Variants in NKAIN3 observed in about 807,000 individuals in gnomAD.
NKAIN3 encodes sodium/potassium-transporting ATPase subunit beta-1-interacting protein 3.
In NKAIN3, 25 loss-of-function variants were observed where a neutral mutation model predicts 30.2. The observed-to-expected ratio is 0.83, with a 90% CI of 0.60 to 1.16. The LOEUF (loss-of-function observed/expected upper bound fraction) is 1.16, where lower values mean the gene tolerates loss of function less well. Ranked by LOEUF, NKAIN3 falls within the 50% of genes most tolerant of loss-of-function variation. The probability of loss-of-function intolerance (pLI) is 0.00; values close to 1 mark genes in which losing one functional copy is unlikely to be tolerated. For synonymous variants in NKAIN3, 91 were observed against 89.6 expected, an observed-to-expected ratio of 1.02 and a Z score of -0.09; for missense variants, 225 against 254.1, an observed-to-expected ratio of 0.89 and a Z score of 0.78.
intron 1 of NKAIN3, among the ~76,000 whole-genome samples, chr8:62,341,290 T>A (rs1815737121): frequency 6.6e-6 from 1 of 152,100 alleles, no homozygotes; most frequent in African/African-American, 2.4e-5. Flanking sequence ...ACATTTATGA[T>A]GTTAATTTTA....
Position 62,835,140 on chromosome 8 carries a change from T to G in NKAIN3, c.472-83313T>G, listed in dbSNP as rs371550975. ...CTAGCCACATTCAGAAGAATAAATT[T>G]GAATACCTACCTTTCACATATACAA... On this transcript the variant is annotated intron_variant, in intron 4 of 6. Transcript: ENST00000623646. 1.1e-3 allele frequency among the ~76,000 whole-genome samples: 162 copies of G among 151,946 alleles called. 6 individuals carry two copies. In the South Asian group the frequency reaches 0.033, roughly 31 times the overall value.
At chr8:62,612,307 G>T (rs143057513) in intron 3 of NKAIN3, among the ~76,000 whole-genome samples, 3 of 151,712 alleles carry the variant, frequency 2.0e-5, no homozygotes, top group African/African-American at 7.3e-5. Flanking sequence ...CATTGGGTGC[G>T]TATATATTTA....
chr8:62,597,377 T>A (rs1810866038), intron 3 of NKAIN3, among the ~76,000 whole-genome samples: 1 of 152,096 alleles, frequency 6.6e-6, no homozygotes, highest in Non-Finnish European at 1.5e-5. Context: ...TCGCTTTTCA[T>A]GGTGAAAAGA....
At chr8:62,280,065 A>C (rs929447771) in intron 1 of NKAIN3, among the ~76,000 whole-genome samples, 1 of 152,116 alleles carries the variant, frequency 6.6e-6, no homozygotes, top group African/African-American at 2.4e-5. Context: ...AGTGGTTTGT[A>C]GTTCCCCTTG....
At chr8:62,618,077 T>C (rs1312768944) in intron 3 of NKAIN3, among the ~76,000 whole-genome samples, 1 of 152,220 alleles carries the variant, frequency 6.6e-6, no homozygotes, top group African/African-American at 2.4e-5. Context: ...ATCTAAAATG[T>C]TGGCCATTCC....
At chr8:62,746,690 A>G (rs1294051509) in intron 3 of NKAIN3, among the ~76,000 whole-genome samples, 1 of 152,208 alleles carries the variant, frequency 6.6e-6, no homozygotes, top group Non-Finnish European at 1.5e-5. Context: ...TTTTTTAAAT[A>G]TATGTTGCCC....
chr8:62,627,940 T>C (rs111683666), intron 3 of NKAIN3, among the ~76,000 whole-genome samples: 2 of 152,088 alleles, frequency 1.3e-5, no homozygotes, highest in Non-Finnish European at 2.9e-5. Flanking sequence ...AAGGCTGTGA[T>C]CAAGATTAAA....
rs372677127 is a variant in NKAIN3 at position 62,703,779 on chromosome 8, AT to A, written c.274-43150del. ...ATTTAAGCTACACACTTGATCTATT[AT>A]TTGTCTAGGTGTAAAATGCTGGGCA... On this transcript the variant is annotated intron_variant, in intron 3 of 6. Coordinates refer to ENST00000623646, the MANE Select transcript of NKAIN3 (RefSeq NM_001304533.3). Among the ~76,000 whole-genome samples, 233 of 152,248 alleles carry A rather than the reference AT, an allele frequency of 1.5e-3. 1 individual carries two copies. Among genetic ancestry groups the A allele is most frequent in the African/African-American group, 5.4e-3 (224 of 41,554 alleles).
chr8:62,590,891 C>T (rs1454670034), intron 3 of NKAIN3, among the ~76,000 whole-genome samples: 3 of 151,870 alleles, frequency 2.0e-5, no homozygotes, highest in Non-Finnish European at 4.4e-5. Flanking sequence ...CCAGAAGCAA[C>T]GTTTCCAATA....
intron 4 of NKAIN3, among the ~76,000 whole-genome samples, chr8:62,805,978 G>A (rs1041217697): frequency 6.6e-5 from 10 of 151,898 alleles, no homozygotes; most frequent in African/African-American, 1.4e-4. Context: ...CAACCCCATC[G>A]AAAAGTGGGT....
chr8:62,989,461 G>T (rs115425892), downstream of NKAIN3, among the ~76,000 whole-genome samples: 872 of 152,216 alleles, frequency 5.7e-3, 9 homozygotes, highest in African/African-American at 0.02. Flanking sequence ...CTTGTGTAGG[G>T]TAACTCCCCC....
Position 62,753,109 on chromosome 8 carries a change from T to C in NKAIN3, c.471+5980T>C, listed in dbSNP as rs143924710. On this transcript the variant is annotated intron_variant, in intron 4 of 6. Coordinates refer to ENST00000623646, the MANE Select transcript of NKAIN3 (RefSeq NM_001304533.3). ...ATTTCAAAACAGTTTCTGGTGAAAATTAAAAACTATGTCTAGTTGAATTCT... is the reference window on the plus strand; with the variant it reads ...ATTTCAAAACAGTTTCTGGTGAAAACTAAAAACTATGTCTAGTTGAATTCT... Among the ~76,000 whole-genome samples the C allele has an allele frequency of 3.9e-3, 586 of 152,076 alleles. 4 individuals carry two copies. The highest frequency in any genetic ancestry group is 0.013 in the African/African-American group (557 of 41,492).
chr8:62,532,586 G>A (rs988002785), intron 1 of NKAIN3, among the ~76,000 whole-genome samples: 1 of 152,212 alleles, frequency 6.6e-6, no homozygotes, highest in Non-Finnish European at 1.5e-5. Flanking sequence ...TGGCTTCATA[G>A]TGGGTTTGTT....
Position 62,966,259 on chromosome 8 carries a change from C to G in NKAIN3, c.*852C>G, listed in dbSNP as rs1266112532. 5.1e-6 allele frequency: 5 copies of G among 984,944 alleles called. No homozygotes were observed. The highest frequency in any genetic ancestry group is 6.0e-6 in the Non-Finnish European group (5 of 829,714). 61.0% of individuals were successfully genotyped at this position (984,944 alleles called of 1,614,324 possible). On this transcript the variant is annotated 3_prime_UTR_variant, in exon 7 of 7. Transcript: ENST00000623646. ...TTTCTCTTAGGATATTCAAAAGAAG[C>G]CTGAAAATGCTGTAGCATTCTCTAT... is the stretch of plus-strand genomic sequence containing the variant.
At chr8:62,487,801 T>C (rs932434294) in intron 1 of NKAIN3, among the ~76,000 whole-genome samples, 10 of 152,204 alleles carry the variant, frequency 6.6e-5, no homozygotes, top group Non-Finnish European at 1.2e-4. Context: ...GTGTCCATTG[T>C]CATTCTTTCT....
intron 3 of NKAIN3, among the ~76,000 whole-genome samples, chr8:62,655,290 A>C (rs965506396): frequency 1.3e-5 from 2 of 152,180 alleles, no homozygotes; most frequent in Non-Finnish European, 2.9e-5. Context: ...TTTAATAACA[A>C]AAATATTGAC....
intron 5 of NKAIN3, among the ~76,000 whole-genome samples, chr8:62,924,331 C>T (rs4237064): frequency 0.68 from 103,650 of 152,144 alleles, 36,263 homozygotes; most frequent in East Asian, 0.9. Flanking sequence ...GATGCTTTCA[C>T]TGCACACTGT....
At chr8:62,387,130 A>C (rs1267033229) in intron 1 of NKAIN3, among the ~76,000 whole-genome samples, 1 of 152,132 alleles carries the variant, frequency 6.6e-6, no homozygotes, top group Non-Finnish European at 1.5e-5. Flanking sequence ...AGTGTCATAC[A>C]ACAGGAAATG....
intron 3 of NKAIN3, among the ~76,000 whole-genome samples, chr8:62,659,773 T>A (rs1812881373): frequency 6.6e-6 from 1 of 152,184 alleles, no homozygotes; most frequent in African/African-American, 2.4e-5. Context: ...AGGGACCTAG[T>A]GGGAGGTAAT....
Sources: allele counts gnomAD v4.1 joint callset (sites outside exome capture counted in the v4.1 genomes callset), GRCh38; gene constraint gnomAD v4.1.1; transcripts MANE v1.5; gene names NCBI Gene and HGNC (gene_info 2026-07-23, HGNC 2026-07-21).